The following TBC1D5 variants were observed in gnomAD, a reference collection of about 807,000 sequenced individuals.
The protein encoded by TBC1D5 is TBC1 domain family, member 5.
TBC1D5 carries 75 observed loss-of-function variants against 100.3 expected under a neutral mutation model. The ratio of observed to expected loss-of-function variants is 0.75; its 90% CI spans 0.62 to 0.91. The LOEUF (loss-of-function observed/expected upper bound fraction) is 0.91, where lower values mean the gene tolerates loss of function less well. Ranked by LOEUF, TBC1D5 falls within the 40% of genes least tolerant of loss-of-function variation. The pLI, the probability that TBC1D5 is intolerant of heterozygous loss-of-function variation, is 0.00. For missense variants in TBC1D5, 910 were observed against 942.4 expected (o/e 0.97, Z 0.45); for synonymous variants, 323 against 325.6 (o/e 0.99, Z 0.09).
chr3:17,392,498 C>T (rs1403054556), intron 8 of TBC1D5, among the ~76,000 whole-genome samples: 4 of 152,010 alleles, frequency 2.6e-5, no homozygotes, highest in African/African-American at 9.7e-5. Context: ...TTTCTCCTAA[C>T]GCTATCCTTC....
At chr3:17,599,840 G>A in intron 2 of TBC1D5, among the ~76,000 whole-genome samples, 1 of 152,094 alleles carries the variant, frequency 6.6e-6, no homozygotes, top group Non-Finnish European at 1.5e-5. Context: ...GGGGTCAAGG[G>A]AACTTTCCCA....
intron 14 of TBC1D5, among the ~76,000 whole-genome samples, chr3:17,297,490 C>T (rs542308675): frequency 6.6e-6 from 1 of 151,708 alleles, no homozygotes; most frequent in Non-Finnish European, 1.5e-5. Flanking sequence ...GCAGGAGAAT[C>T]ACTTGGACCC....
At chr3:17,383,290 T>C (rs988998430) in intron 9 of TBC1D5, among the ~76,000 whole-genome samples, 7 of 151,914 alleles carry the variant, frequency 4.6e-5, no homozygotes, top group East Asian at 1.9e-4. Context: ...GAGAAATACA[T>C]AAAAATACCC....
At chr3:17,559,614 G>C (rs959900768) in intron 2 of TBC1D5, among the ~76,000 whole-genome samples, 3 of 150,376 alleles carry the variant, frequency 2.0e-5, no homozygotes, top group African/African-American at 7.3e-5. Context: ...TTTTGAGGTG[G>C]AGTCTTGCAC....
At chr3:17,431,873 C>A (rs2149407517) in intron 3 of TBC1D5, among the ~76,000 whole-genome samples, 1 of 152,156 alleles carries the variant, frequency 6.6e-6, no homozygotes, top group South Asian at 2.1e-4. Context: ...TAACAAAGGG[C>A]ATTTTTGGTT....
Position 17,682,223 on chromosome 3 carries a change from G to C in TBC1D5, c.-101+57120C>G, listed in dbSNP as rs189471119. Among the ~76,000 whole-genome samples the C allele has an allele frequency of 9.7e-4, 146 of 151,248 alleles. 1 individual carries two copies. Among genetic ancestry groups the C allele is most frequent in the Non-Finnish European group, 1.5e-3 (101 of 67,976 alleles). ...GCATTTTGGGAGGCCAAGACAGGAG[G>C]ACTGCTTGAGCCCAGGAGTTCAAGA... On this transcript the variant is annotated intron_variant, in intron 1 of 21. Transcript: ENST00000253692.
chr3:17,408,615 C>A (rs546671408), intron 4 of TBC1D5, among the ~76,000 whole-genome samples: 70 of 152,160 alleles, frequency 4.6e-4, no homozygotes, highest in African/African-American at 1.6e-3. Flanking sequence ...GACAGTGTGC[C>A]CAAGTCCTAT....
chr3:17,329,066 A>G (rs2086556048), intron 13 of TBC1D5, among the ~76,000 whole-genome samples: 1 of 152,156 alleles, frequency 6.6e-6, no homozygotes, highest in Non-Finnish European at 1.5e-5. Context: ...ATGGAGAAAC[A>G]TTTCTGCAAG....
chr3:17,692,418 G>T (rs2071309125), intron 1 of TBC1D5, among the ~76,000 whole-genome samples: 1 of 152,116 alleles, frequency 6.6e-6, no homozygotes, highest in Non-Finnish European at 1.5e-5. Flanking sequence ...GTGTAAAAGT[G>T]CAAGAGTTGA....
intron 1 of TBC1D5, among the ~76,000 whole-genome samples, chr3:17,709,102 T>G (rs1223777246): frequency 6.6e-6 from 1 of 152,216 alleles, no homozygotes; most frequent in African/African-American, 2.4e-5. Context: ...TTTATAAAAT[T>G]TATTTTACCT....
chr3:17,202,186 C>T (rs2071545694), intron 18 of TBC1D5, among the ~76,000 whole-genome samples: 1 of 152,192 alleles, frequency 6.6e-6, no homozygotes, highest in Non-Finnish European at 1.5e-5. Flanking sequence ...TTTTGTTATG[C>T]ATTAGTAAAG....
At chr3:17,657,476 A>G (rs1295998737) in intron 1 of TBC1D5, among the ~76,000 whole-genome samples, 1 of 151,948 alleles carries the variant, frequency 6.6e-6, no homozygotes, top group African/African-American at 2.4e-5. Context: ...AGCTGGGACT[A>G]GAGGCATGTG....
intron 4 of TBC1D5, among the ~76,000 whole-genome samples, chr3:17,424,240 T>TG (rs1414954072): frequency 2.4e-4 from 36 of 152,320 alleles, no homozygotes; most frequent in African/African-American, 8.4e-4. Flanking sequence ...TGCAAGCAGC[T>TG]GGTACTACAG....
intron 1 of TBC1D5, among the ~76,000 whole-genome samples, chr3:17,677,266 T>A (rs896277457): frequency 2.6e-5 from 4 of 152,166 alleles, no homozygotes; most frequent in African/African-American, 9.7e-5. Context: ...GACAAAGGGC[T>A]AATATCCAGA....
At chr3:17,503,171 T>A (rs1261055955) in intron 3 of TBC1D5, among the ~76,000 whole-genome samples, 1 of 149,770 alleles carries the variant, frequency 6.7e-6, no homozygotes, top group East Asian at 1.9e-4. Flanking sequence ...GTAGTCATTC[T>A]ACTTTTGAAC....
chr3:17,394,567 A>C (rs2093445375), intron 8 of TBC1D5, among the ~76,000 whole-genome samples: 1 of 152,146 alleles, frequency 6.6e-6, no homozygotes, highest in African/African-American at 2.4e-5. Context: ...AAACTCAAGA[A>C]AATCTAGGAG....
intron 18 of TBC1D5, 99 bp from the exon 20 acceptor site, chr3:17,185,307 T>A (rs1415055456): frequency 1.1e-6 from 1 of 910,252 alleles, no homozygotes; most frequent in Non-Finnish European, 1.6e-6. Flanking sequence ...AGAAGCATGA[T>A]ACCTTTTTAA....
At chr3:17,187,805 C>A (rs2069331957) in intron 18 of TBC1D5, among the ~76,000 whole-genome samples, 1 of 152,170 alleles carries the variant, frequency 6.6e-6, no homozygotes, top group Non-Finnish European at 1.5e-5. Context: ...CAAGTGGCTA[C>A]CAACTGGGGT....
intron 16 of TBC1D5, among the ~76,000 whole-genome samples, chr3:17,255,258 T>C (rs1334852724): frequency 6.6e-6 from 1 of 152,156 alleles, no homozygotes; most frequent in African/African-American, 2.4e-5. Flanking sequence ...TGGAATGCAG[T>C]GGCACGATCT....
Sources: gnomAD v4.1 joint callset for allele counts (sites outside exome capture counted in the v4.1 genomes callset) on GRCh38, gnomAD v4.1.1 for gene constraint, MANE v1.5 for transcripts, NCBI Gene and HGNC (gene_info 2026-07-23, HGNC 2026-07-21) for gene names.